CCDC149: variants seen among roughly 807,000 people sequenced by gnomAD.
CCDC149 encodes coiled-coil domain-containing protein 149.
In CCDC149, 45 loss-of-function variants were observed where a neutral mutation model predicts 59.9. The observed-to-expected ratio is 0.75, with a 90% CI of 0.59 to 0.96. CCDC149 has a LOEUF of 0.96. Ranked by LOEUF, CCDC149 falls within the 40% of genes least tolerant of loss-of-function variation. CCDC149 has a pLI of 0.00. For missense variants in CCDC149, 584 were observed against 664.7 expected, an observed-to-expected ratio of 0.88 and a Z score of 1.33; for synonymous variants, 245 against 260.6, an observed-to-expected ratio of 0.94 and a Z score of 0.58.
chr4:24,822,550 T>C lies in CCDC149; in HGVS notation c.989A>G (p.Glu330Gly). The C allele has an allele frequency of 2.0e-6, 3 of 1,535,502 alleles. No homozygotes were observed. Among genetic ancestry groups the C allele is most frequent in the Non-Finnish European group, 2.6e-6 (3 of 1,139,802 alleles). ...CAGAGTTCTTAATTTTTTTTCCAGC[T>C]CAGCCACCCGATTCCCTAGGATTCT... Residue 330 changes from glutamate to glycine, a missense_variant, in exon 10 of 13, where the codon GAG (glutamate) becomes GGG (glycine). By Grantham distance (98) the Glu-to-Gly change is moderately conservative. Transcript: ENST00000635206.
chr4:24,954,170 G>T (rs569186118), intron 1 of CCDC149, among the ~76,000 whole-genome samples: 12 of 152,316 alleles, frequency 7.9e-5, no homozygotes, highest in African/African-American at 2.4e-4. Context: ...CATCCAAGAA[G>T]CTCAACAAGC....
chr4:24,901,474 A>G (rs1334720255), intron 1 of CCDC149, among the ~76,000 whole-genome samples: 1 of 152,224 alleles, frequency 6.6e-6, no homozygotes, highest in South Asian at 2.1e-4. Flanking sequence ...TTTTAACATA[A>G]TAAGTGTAGA....
chr4:24,968,996 A>G (rs1455750034), intron 1 of CCDC149, among the ~76,000 whole-genome samples: 1 of 152,226 alleles, frequency 6.6e-6, no homozygotes, highest in Non-Finnish European at 1.5e-5. Flanking sequence ...GTGAAGGTCC[A>G]ATAGTTAGAG....
At chr4:24,917,248 C>A (rs569271002), upstream of CCDC149, among the ~76,000 whole-genome samples, 1 of 152,196 alleles carries the variant, frequency 6.6e-6, no homozygotes, top group Admixed American at 6.5e-5. Flanking sequence ...CCCTGCCCAG[C>A]GGCAAACAGT....
chr4:24,821,203 AC>A (rs1171979856), intron 10 of CCDC149, 116 bp from the exon 11 acceptor site: 11 of 441,688 alleles, frequency 2.5e-5, no homozygotes, highest in African/African-American at 2.2e-4. Flanking sequence ...CACTCGAGTA[AC>A]TTCCATCTTT....
chr4:24,812,734 C>T (rs996475369), intron 12 of CCDC149, among the ~76,000 whole-genome samples: 2 of 152,158 alleles, frequency 1.3e-5, no homozygotes, highest in African/African-American at 4.8e-5. Flanking sequence ...GGAGGCCTCA[C>T]AATCATGGTA....
At chr4:24,910,904 A>C (rs960667543) in intron 1 of CCDC149, among the ~76,000 whole-genome samples, 3 of 152,118 alleles carry the variant, frequency 2.0e-5, no homozygotes, top group Non-Finnish European at 2.9e-5. Context: ...TGAAGGATGC[A>C]CTCAAAAAAT....
At chr4:24,836,396 C>T (rs1560209137) in intron 7 of CCDC149, 40 bp downstream of exon 7, 1 of 1,307,746 alleles carries the variant, frequency 7.6e-7, no homozygotes, top group Middle Eastern at 1.8e-4. Flanking sequence ...TTTAGATGCA[C>T]AATAGTCAAT....
At chr4:24,876,807 A>T in intron 1 of CCDC149, 110 bp from the exon 2 acceptor site, 1 of 1,100,974 alleles carries the variant, frequency 9.1e-7, no homozygotes, top group Non-Finnish European at 1.3e-6. Flanking sequence ...TCTCATTTTT[A>T]GAGCTCATGT....
intron 1 of CCDC149, among the ~76,000 whole-genome samples, chr4:24,930,406 A>G (rs1309055396): frequency 6.6e-6 from 1 of 152,222 alleles, no homozygotes; most frequent in Non-Finnish European, 1.5e-5. Context: ...CCATTGCACA[A>G]TTTTGGGTTT....
intron 3 of CCDC149, among the ~76,000 whole-genome samples, chr4:24,853,513 G>A (rs928686490): frequency 7.9e-5 from 12 of 151,592 alleles, no homozygotes; most frequent in African/African-American, 1.9e-4. Flanking sequence ...GCTTGAGCCC[G>A]GGAGGCGGAG....
intron 1 of CCDC149, among the ~76,000 whole-genome samples, chr4:24,958,010 T>A (rs1272221751): frequency 6.6e-6 from 1 of 152,190 alleles, no homozygotes; most frequent in Non-Finnish European, 1.5e-5. Context: ...AAGGGGCTGG[T>A]GCCTCAGCCA....
chr4:24,825,732 C>T (rs1002254833), intron 9 of CCDC149, among the ~76,000 whole-genome samples: 1 of 150,682 alleles, frequency 6.6e-6, no homozygotes, highest in African/African-American at 2.4e-5. Flanking sequence ...GAGATAGCGC[C>T]ACTGCACTCC....
chr4:24,967,539 C>T (rs1412408191), intron 1 of CCDC149, among the ~76,000 whole-genome samples: 1 of 151,872 alleles, frequency 6.6e-6, no homozygotes, highest in African/African-American at 2.4e-5. Flanking sequence ...GCATTTTTCT[C>T]CACAGACATC....
intron 1 of CCDC149, among the ~76,000 whole-genome samples, chr4:24,950,365 C>A (rs149198512): frequency 5.2e-4 from 79 of 152,352 alleles, no homozygotes; most frequent in African/African-American, 1.7e-3. Flanking sequence ...TAATTAGTAT[C>A]TGCAAAGCAC....
chr4:24,961,983 T>G (rs893492926), intron 1 of CCDC149, among the ~76,000 whole-genome samples: 14 of 151,026 alleles, frequency 9.3e-5, no homozygotes, highest in Non-Finnish European at 1.8e-4. Flanking sequence ...ACTAAAGAGC[T>G]TCTGCACAGC....
upstream of CCDC149, chr4:24,913,104 C>CCGAGCCCCGCCGGG (rs2109330960): frequency 6.5e-6 from 1 of 154,312 alleles, no homozygotes; most frequent in African/African-American, 2.4e-5. Context: ...CGGGCCGCAG[C>CCGAGCCCCGCCGGG]CGAGCCCCGC....
intron 1 of CCDC149, among the ~76,000 whole-genome samples, chr4:24,887,695 T>C (rs1206847415): frequency 6.6e-6 from 1 of 152,116 alleles, no homozygotes; most frequent in Non-Finnish European, 1.5e-5. Context: ...TGTTTTGCTC[T>C]GCCCTGTGAT....
rs191362399 is a variant in CCDC149, at chr4:24,874,948, G to A, written c.226-1229C>T. On this transcript the variant is annotated intron_variant, in intron 2 of 12. Coordinates refer to ENST00000635206, the MANE Select transcript of CCDC149 (RefSeq NM_001330643.2). ...ACCTAGAGAAAATAAAAAAGCGCAG[G>A]ATACGAGAAAGGTTACAAAAATTAT... 9.9e-5 allele frequency among the ~76,000 whole-genome samples: 15 copies of A among 152,246 alleles called. No homozygotes were observed. In the East Asian group the frequency reaches 2.9e-3, roughly 29 times the overall value.
Sources: allele counts gnomAD v4.1 joint callset (sites outside exome capture counted in the v4.1 genomes callset), GRCh38; gene constraint gnomAD v4.1.1; transcripts MANE v1.5; gene names NCBI Gene and HGNC (gene_info 2026-07-23, HGNC 2026-07-21).